Variants in GULP1 observed in about 807,000 individuals in gnomAD.
GULP1 encodes the protein GULP PTB domain containing engulfment adaptor 1, also known as PTB domain-containing engulfment adapter protein 1.
Under a neutral mutation model 40.9 loss-of-function variants are expected in GULP1, and 19 were observed. The ratio of observed to expected loss-of-function variants is 0.46; its 90% CI spans 0.32 to 0.68. The LOEUF (loss-of-function observed/expected upper bound fraction) is 0.68, where lower values mean the gene tolerates loss of function less well. Among genes scored for constraint, GULP1 ranks in the 30% least tolerant of loss-of-function variants. The pLI, the probability that GULP1 is intolerant of heterozygous loss-of-function variation, is 0.03. For missense variants in GULP1, 312 were observed against 362.2 expected (o/e 0.86, Z 1.12); for synonymous variants, 119 against 117.6 (o/e 1.01, Z -0.08).
chr2:188,558,188 C>T (rs1248043627), intron 7 of GULP1, among the ~76,000 whole-genome samples: 1 of 152,142 alleles, frequency 6.6e-6, no homozygotes, highest in African/African-American at 2.4e-5. Context: ...GTGTCCCCAC[C>T]TAAATCTCAT....
At chr2:188,433,034 G>A (rs1575211403) in intron 2 of GULP1, among the ~76,000 whole-genome samples, 2 of 152,058 alleles carry the variant, frequency 1.3e-5, no homozygotes, top group African/African-American at 4.8e-5. Context: ...CAGTAGAAAA[G>A]TAATGGCAGA....
chr2:188,397,098 C>T (rs2152575937), intron 2 of GULP1, among the ~76,000 whole-genome samples: 1 of 152,308 alleles, frequency 6.6e-6, no homozygotes, highest in Non-Finnish European at 1.5e-5. Context: ...TCTTTCAAAG[C>T]ATCTGTGATT....
intron 4 of GULP1, among the ~76,000 whole-genome samples, chr2:188,509,672 T>C (rs1267487722): frequency 6.6e-6 from 1 of 152,080 alleles, no homozygotes; most frequent in East Asian, 1.9e-4. Flanking sequence ...GGGAGGAGGT[T>C]TTCTTAAAAA....
At chr2:188,585,474 GGCGTTTCCAT>G (rs1216054282) in intron 10 of GULP1, among the ~76,000 whole-genome samples, 2 of 152,178 alleles carry the variant, frequency 1.3e-5, no homozygotes, top group African/African-American at 4.8e-5. Context: ...TGAACATTCA[GGCGTTTCCAT>G]ACATCCTCCG....
At chr2:188,349,878 T>A (rs1300068653) in intron 1 of GULP1, among the ~76,000 whole-genome samples, 1 of 152,162 alleles carries the variant, frequency 6.6e-6, no homozygotes, top group Non-Finnish European at 1.5e-5. Flanking sequence ...GTCAGTGAAA[T>A]TTTGTGTATA....
chr2:188,573,782 C>T (rs1359002907), intron 9 of GULP1, among the ~76,000 whole-genome samples: 1 of 152,122 alleles, frequency 6.6e-6, no homozygotes. Context: ...TTATGAATCC[C>T]GTGATGCATA....
chr2:188,520,185 G>C (rs1368810285), intron 4 of GULP1, among the ~76,000 whole-genome samples: 2 of 152,190 alleles, frequency 1.3e-5, no homozygotes, highest in East Asian at 3.9e-4. Context: ...CAAACTGAAA[G>C]CCTGTTCATA....
intron 4 of GULP1, among the ~76,000 whole-genome samples, chr2:188,512,785 A>G (rs2064726103): frequency 6.6e-6 from 1 of 152,144 alleles, no homozygotes; most frequent in Non-Finnish European, 1.5e-5. Context: ...TAAATAGAAT[A>G]CAGTGAAAGA....
intron 6 of GULP1, among the ~76,000 whole-genome samples, chr2:188,539,482 C>G (rs1034237204): frequency 1.1e-4 from 16 of 151,964 alleles, no homozygotes; most frequent in African/African-American, 3.9e-4. Context: ...CATTGTCCAT[C>G]GATGCTTTCT....
intron 1 of GULP1, among the ~76,000 whole-genome samples, chr2:188,337,722 G>A (rs114777485): frequency 1.1e-3 from 162 of 152,006 alleles, no homozygotes; most frequent in Non-Finnish European, 2.0e-3. Flanking sequence ...GCTTTATATT[G>A]TTATTTCAGT....
intron 1 of GULP1, among the ~76,000 whole-genome samples, chr2:188,369,889 G>A (rs1248349801): frequency 6.6e-6 from 1 of 152,006 alleles, no homozygotes; most frequent in Non-Finnish European, 1.5e-5. Flanking sequence ...TGTCACCCAC[G>A]CTGGAGTGTG....
chr2:188,512,249 A>G (rs577720321), intron 4 of GULP1, among the ~76,000 whole-genome samples: 6 of 152,146 alleles, frequency 3.9e-5, no homozygotes, highest in Non-Finnish European at 7.4e-5. Context: ...ATTGGTTACA[A>G]AGATATATAC....
chr2:188,359,884 A>T (rs2045869621), intron 1 of GULP1, among the ~76,000 whole-genome samples: 1 of 152,122 alleles, frequency 6.6e-6, no homozygotes, highest in Non-Finnish European at 1.5e-5. Flanking sequence ...ATTGTGCAAA[A>T]AGATATATTA....
At chr2:188,338,995 T>G (rs1255427699) in intron 1 of GULP1, among the ~76,000 whole-genome samples, 1 of 152,204 alleles carries the variant, frequency 6.6e-6, no homozygotes, top group Non-Finnish European at 1.5e-5. Context: ...TACAATGCTC[T>G]TTATGATGAC....
chr2:188,428,193 T>C lies in GULP1; in HGVS notation c.-45+44304T>C, dbSNP rs143981372. On this transcript the variant is annotated intron_variant, in intron 2 of 11. Transcript: ENST00000409830. ...TTACCCAATGCCTGTATCCCCATTA[T>C]ATCTTGGAAGGAACTAACTTGCTTT... is the stretch of plus-strand genomic sequence containing the variant. 1.5e-3 allele frequency among the ~76,000 whole-genome samples: 228 copies of C among 152,362 alleles called. 1 individual carries two copies. Among genetic ancestry groups the C allele is most frequent in the African/African-American group, 4.0e-3 (166 of 41,582 alleles).
At chr2:188,588,021 A>G (rs756640131) in intron 11 of GULP1, 72 bp downstream of exon 11, 1 of 833,832 alleles carries the variant, frequency 1.2e-6, no homozygotes, top group South Asian at 1.3e-5. Context: ...AATGTTATGT[A>G]CCAAAACTAT....
At chr2:188,469,862 T>A (rs1035920411) in intron 2 of GULP1, among the ~76,000 whole-genome samples, 1 of 152,186 alleles carries the variant, frequency 6.6e-6, no homozygotes, top group Non-Finnish European at 1.5e-5. Flanking sequence ...CACTGATTGA[T>A]TTGCCTATGT....
intron 1 of GULP1, among the ~76,000 whole-genome samples, chr2:188,381,106 G>A (rs1358958759): frequency 6.6e-6 from 1 of 151,994 alleles, no homozygotes; most frequent in Non-Finnish European, 1.5e-5. Flanking sequence ...ATAAAAATAT[G>A]TTCAAAAGAG....
At chr2:188,462,530 C>T (rs190396127) in intron 2 of GULP1, among the ~76,000 whole-genome samples, 129 of 152,164 alleles carry the variant, frequency 8.5e-4, no homozygotes, top group Non-Finnish European at 1.4e-3. Flanking sequence ...TGAAGTCTCC[C>T]GCTATTATTG....
Sources: gnomAD v4.1 joint callset for allele counts (sites outside exome capture counted in the v4.1 genomes callset) on GRCh38, gnomAD v4.1.1 for gene constraint, MANE v1.5 for transcripts, NCBI Gene and HGNC (gene_info 2026-07-23, HGNC 2026-07-21) for gene names.